The following PNPLA1 variants were observed in gnomAD, a reference collection of about 807,000 sequenced individuals.
PNPLA1 encodes the protein omega-hydroxyceramide transacylase.
Under a neutral mutation model 51.7 loss-of-function variants are expected in PNPLA1, and 36 were observed. The observed-to-expected ratio is 0.70, with a 90% CI of 0.53 to 0.92. The LOEUF (loss-of-function observed/expected upper bound fraction) is 0.92, where lower values mean the gene tolerates loss of function less well. PNPLA1 is among the 40% of genes least tolerant of loss of function. The pLI, the probability that PNPLA1 is intolerant of heterozygous loss-of-function variation, is 0.00. For synonymous variants in PNPLA1, 293 were observed against 280.1 expected, an observed-to-expected ratio of 1.05 and a Z score of -0.46; for missense variants, 658 against 682.5, an observed-to-expected ratio of 0.96 and a Z score of 0.40.
rs531046619 is a variant in PNPLA1 at position 36,256,002 on chromosome 6, T to G, written c.-81+12741T>G. On this transcript the variant is annotated intron_variant, in intron 1 of 7. Transcript: ENST00000312917. ...TCCAGTAATTTGCAAACATGAAAAT[T>G]TCTAACGGTAGGTTCCTAGCAGACT... 2.0e-3 allele frequency among the ~76,000 whole-genome samples: 304 copies of G among 152,318 alleles called. 4 individuals carry two copies. The East Asian group carries it at 0.035, about 18-fold the overall frequency.
chr6:36,254,027 A>G (rs1769477704), intron 1 of PNPLA1, among the ~76,000 whole-genome samples: 1 of 152,154 alleles, frequency 6.6e-6, no homozygotes, highest in South Asian at 2.1e-4. Context: ...AGTTGTAGCT[A>G]CTGTTAACTG....
chr6:36,282,088 AGAAGGAAGGAAGGAAGGAAG>A (rs70975141), intron 1 of PNPLA1, among the ~76,000 whole-genome samples: 18 of 98,914 alleles, frequency 1.8e-4, no homozygotes, highest in African/African-American at 7.8e-4. Context: ...AAAGAAAGAA[AGAAGGAAGGAAGGAAGGAAG>A]GAAGGAAGGA....
intron 1 of PNPLA1, among the ~76,000 whole-genome samples, chr6:36,279,015 C>G (rs1770195763): frequency 6.6e-6 from 1 of 152,148 alleles, no homozygotes. Flanking sequence ...CAGAAGGCCC[C>G]TCTGAGGTGG....
intron 1 of PNPLA1, among the ~76,000 whole-genome samples, chr6:36,274,655 G>T: frequency 6.6e-6 from 1 of 152,138 alleles, no homozygotes. Flanking sequence ...CAAAGCAGTT[G>T]TACCAATTTA....
chr6:36,267,791 C>A (rs905449699), upstream of PNPLA1, among the ~76,000 whole-genome samples: 4 of 152,114 alleles, frequency 2.6e-5, no homozygotes, highest in East Asian at 1.9e-4. Context: ...CCCTGCCCCC[C>A]CCATGGATAG....
chr6:36,254,583 A>G (rs1052641994), intron 1 of PNPLA1, among the ~76,000 whole-genome samples: 1 of 94,350 alleles, frequency 1.1e-5, no homozygotes, highest in African/African-American at 3.6e-5. Context: ...TCAAACAAAC[A>G]AAAAAAAAAA....
At chr6:36,287,672 A>G (rs530408170) in intron 1 of PNPLA1, among the ~76,000 whole-genome samples, 95 of 152,170 alleles carry the variant, frequency 6.2e-4, no homozygotes, top group African/African-American at 2.2e-3. Context: ...AGTTGCTGGG[A>G]GAGAGAGAAA....
At chr6:36,307,542 G>C in intron 7 of PNPLA1, 45 bp from the exon 8 acceptor site, 2 of 1,599,180 alleles carry the variant, frequency 1.3e-6, no homozygotes, top group Non-Finnish European at 1.7e-6. Flanking sequence ...TTGGAGGACC[G>C]AGGTCAGGCC....
At chr6:36,274,950 A>G (rs1392698021) in intron 1 of PNPLA1, among the ~76,000 whole-genome samples, 1 of 152,172 alleles carries the variant, frequency 6.6e-6, no homozygotes, top group African/African-American at 2.4e-5. Context: ...TTCACCAGTT[A>G]TGCACAATGC....
chr6:36,262,586 A>G (rs1195692536), intron 1 of PNPLA1, among the ~76,000 whole-genome samples: 1 of 152,244 alleles, frequency 6.6e-6, no homozygotes, highest in Non-Finnish European at 1.5e-5. Context: ...CGCAAGCCCC[A>G]GTCCCTTCCT....
At chr6:36,250,855 C>G (rs926377371) in intron 1 of PNPLA1, among the ~76,000 whole-genome samples, 2 of 152,120 alleles carry the variant, frequency 1.3e-5, no homozygotes, top group African/African-American at 2.4e-5. Context: ...AGGCATACGC[C>G]ACCACGTCCA....
In PNPLA1 at chr6:36,270,519, C is replaced by T. The variant is rs549021276; in HGVS notation, c.60C>T (p.Gly20=). The change falls in exon 1 of 9, where the codon GGC becomes GGT. Residue 20 remains glycine, a synonymous_variant. Coordinates refer to ENST00000636260, the MANE Select transcript of PNPLA1 (RefSeq NM_001374623.1). ...PDTPHSISFS[G]SGFLSFYQAG... ...CCCCTCACTCCATCTCCTTCTCGGG[C>T]AGTGGATTCCTCTCCTTCTACCAGG... 4 of 1,551,620 alleles carry T rather than the reference C, an allele frequency of 2.6e-6. No homozygotes were observed. In the South Asian group the frequency reaches 4.8e-5, roughly 18 times the overall value.
At chr6:36,243,364 G>A (rs1323513930) in intron 1 of PNPLA1, 2 of 152,250 alleles carry the variant, frequency 1.3e-5, no homozygotes, top group Non-Finnish European at 2.9e-5. Context: ...AGCATGGAGA[G>A]TGAGGGAGGA....
intron 6 of PNPLA1, among the ~76,000 whole-genome samples, chr6:36,303,703 A>T (rs1176319537): frequency 6.6e-6 from 1 of 152,188 alleles, no homozygotes; most frequent in African/African-American, 2.4e-5. Flanking sequence ...TTGGTGGTGC[A>T]TGCCTGTAAT....
chr6:36,272,777 G>A (rs927872500), intron 1 of PNPLA1, among the ~76,000 whole-genome samples: 1 of 152,204 alleles, frequency 6.6e-6, no homozygotes, highest in African/African-American at 2.4e-5. Context: ...CAAGCAGGGT[G>A]CCTTCCTGGC....
chr6:36,253,063 C>T (rs953713647), intron 1 of PNPLA1, among the ~76,000 whole-genome samples: 1 of 152,124 alleles, frequency 6.6e-6, no homozygotes, highest in African/African-American at 2.4e-5. Context: ...ACCTGTAGTC[C>T]CAGCTACTCG....
intron 5 of PNPLA1, among the ~76,000 whole-genome samples, chr6:36,298,280 T>A (rs895340166): frequency 1.3e-5 from 2 of 152,210 alleles, no homozygotes; most frequent in African/African-American, 4.8e-5. Flanking sequence ...TTTGGGCTAT[T>A]ATGGATAAAG....
At chr6:36,276,348 T>C (rs933658197) in intron 1 of PNPLA1, among the ~76,000 whole-genome samples, 6 of 152,186 alleles carry the variant, frequency 3.9e-5, no homozygotes, top group African/African-American at 1.4e-4. Flanking sequence ...GTTTTTTTCC[T>C]GTGAAAGCTG....
chr6:36,256,938 A>G (rs1769546511), intron 1 of PNPLA1, among the ~76,000 whole-genome samples: 1 of 152,220 alleles, frequency 6.6e-6, no homozygotes, highest in South Asian at 2.1e-4. Flanking sequence ...GTGGGGGGAT[A>G]TAGGCAACTT....
Sources: gnomAD v4.1 joint callset for allele counts (sites outside exome capture counted in the v4.1 genomes callset) on GRCh38, gnomAD v4.1.1 for gene constraint, MANE v1.5 for transcripts, NCBI Gene and HGNC (gene_info 2026-07-23, HGNC 2026-07-21) for gene names.